NRG1: variants seen among roughly 807,000 people sequenced by gnomAD.
NRG1 encodes the protein neuregulin 1, also known as pro-neuregulin-1, membrane-bound isoform.
In NRG1, 18 loss-of-function variants were observed where a neutral mutation model predicts 63.8. The ratio of observed to expected loss-of-function variants is 0.28; its 90% confidence interval spans 0.19 to 0.42. NRG1 has a LOEUF of 0.42. NRG1 is among the 10% of genes least tolerant of loss of function. NRG1 has a pLI of 1.00. For missense variants in NRG1, 762 were observed against 814.7 expected (o/e 0.94, Z 0.79); for synonymous variants, 302 against 301.3 (o/e 1.00, Z -0.02).
chr8:31,893,156 A>G lies in NRG1; in HGVS notation c.37+253725A>G, dbSNP rs150782169. Among the ~76,000 whole-genome samples the G allele has an allele frequency of 3.7e-3, 560 of 150,256 alleles. 9 individuals are homozygous for G. Among genetic ancestry groups the G allele is most frequent in the Admixed American group, 0.025 (371 of 15,024 alleles). ...TTTAATATAACCTATTTTGATAAAT[A>G]ATAGTATAATAGACTATATTATATA... On this transcript the variant is annotated intron_variant, in intron 1 of 10. Transcript: ENST00000519301.
intron 7 of NRG1, chr8:32,748,987 G>C (rs78498275): frequency 0.13 from 24,851 of 193,764 alleles, 2,011 homozygotes; most frequent in East Asian, 0.37. Flanking sequence ...AAAATAATTA[G>C]ATAACCAATG....
rs190094624 is a variant in NRG1 at position 32,051,799 on chromosome 8, G to T, written c.37+412368G>T. ...GGAGGGCAGGGGGATTCAAATAAAA[G>T]ACCAGCACACATGAGCTGGTTTGTG... is the stretch of plus-strand genomic sequence containing the variant. On this transcript the variant is annotated intron_variant, in intron 1 of 10. Transcript: ENST00000519301. Among the ~76,000 whole-genome samples, 72 of 152,278 alleles carry T rather than the reference G, an allele frequency of 4.7e-4. 1 individual carries two copies. Among genetic ancestry groups the T allele is most frequent in the Non-Finnish European group, 8.8e-5 (6 of 68,018 alleles).
At chr8:32,116,726 T>A (rs192591247) in intron 1 of NRG1, among the ~76,000 whole-genome samples, 1 of 152,196 alleles carries the variant, frequency 6.6e-6, no homozygotes, top group East Asian at 1.9e-4. Context: ...CAATTTGTAT[T>A]AATATGATAG....
chr8:32,297,109 G>A (rs1007518351), intron 1 of NRG1, among the ~76,000 whole-genome samples: 2 of 151,910 alleles, frequency 1.3e-5, no homozygotes, highest in Admixed American at 6.6e-5. Context: ...ATGAGACGCT[G>A]TCTCAAAGAA....
At chr8:32,106,280 T>C (rs1831247216) in intron 1 of NRG1, among the ~76,000 whole-genome samples, 1 of 152,220 alleles carries the variant, frequency 6.6e-6, no homozygotes, top group Admixed American at 6.5e-5. Flanking sequence ...ATTTTCTTTT[T>C]ATAGCATCCA....
intron 1 of NRG1, among the ~76,000 whole-genome samples, chr8:32,415,614 T>C (rs757483063): frequency 3.2e-4 from 48 of 152,200 alleles, no homozygotes; most frequent in Admixed American, 4.6e-4. Flanking sequence ...TTTTTGAGCA[T>C]GAATGCATAA....
At chr8:31,663,788 G>GT (rs554281064) in intron 1 of NRG1, among the ~76,000 whole-genome samples, 4 of 152,010 alleles carry the variant, frequency 2.6e-5, no homozygotes, top group Non-Finnish European at 5.9e-5. Flanking sequence ...TCTGTGGTTA[G>GT]TTTTTTTCTC....
intron 1 of NRG1, among the ~76,000 whole-genome samples, chr8:32,190,173 G>GTATTATTAT (rs376743930): frequency 0.013 from 1,940 of 150,106 alleles, 20 homozygotes; most frequent in South Asian, 0.04. Flanking sequence ...TTATCAAAAT[G>GTATTATTAT]TATTATTATT....
At chr8:32,636,839 A>G (rs538249775) in intron 5 of NRG1, among the ~76,000 whole-genome samples, 1 of 152,186 alleles carries the variant, frequency 6.6e-6, no homozygotes, top group Non-Finnish European at 1.5e-5. Flanking sequence ...TATAATTTTG[A>G]AATTCATCTT....
chr8:32,415,086 T>C (rs1032040447), intron 1 of NRG1, among the ~76,000 whole-genome samples: 2 of 152,146 alleles, frequency 1.3e-5, no homozygotes, highest in Admixed American at 1.3e-4. Flanking sequence ...TTTTCTGTAG[T>C]GTATTTCTGT....
At chr8:32,165,141 T>C (rs1476672702) in intron 1 of NRG1, among the ~76,000 whole-genome samples, 1 of 140,798 alleles carries the variant, frequency 7.1e-6, no homozygotes, top group East Asian at 2.0e-4. Flanking sequence ...ATTGCCCTTA[T>C]TTTTTTTTTT....
chr8:31,982,063 A>C (rs190349165), intron 1 of NRG1, among the ~76,000 whole-genome samples: 117 of 152,016 alleles, frequency 7.7e-4, no homozygotes, highest in Non-Finnish European at 1.4e-3. Flanking sequence ...CTGTGGTCGC[A>C]GTCACAGCTC....
At chr8:32,055,846 C>T (rs962592364) in intron 1 of NRG1, among the ~76,000 whole-genome samples, 1 of 152,008 alleles carries the variant, frequency 6.6e-6, no homozygotes, top group Non-Finnish European at 1.5e-5. Context: ...GATACTGGGC[C>T]GTATTCCCTC....
At chr8:32,720,616 T>G (rs1014004030) in intron 5 of NRG1, among the ~76,000 whole-genome samples, 6 of 152,192 alleles carry the variant, frequency 3.9e-5, no homozygotes, top group African/African-American at 1.2e-4. Flanking sequence ...TTATTGGCTT[T>G]GTGAAGAAGA....
downstream of NRG1, among the ~76,000 whole-genome samples, chr8:32,772,073 A>G (rs1476506319): frequency 4.8e-5 from 6 of 125,284 alleles, no homozygotes; most frequent in African/African-American, 1.7e-4. Context: ...ATATATATAT[A>G]TATATATATA....
At chr8:32,146,989 A>G (rs1836936871) in intron 1 of NRG1, among the ~76,000 whole-genome samples, 2 of 152,208 alleles carry the variant, frequency 1.3e-5, no homozygotes, top group Admixed American at 6.5e-5. Context: ...AGAGAATTAA[A>G]TATCTAGAAA....
At chr8:32,608,097 T>TG (rs1563756547) in intron 3 of NRG1, among the ~76,000 whole-genome samples, 3 of 123,394 alleles carry the variant, frequency 2.4e-5, no homozygotes, top group Admixed American at 8.2e-5. Flanking sequence ...TTTTTGTTTT[T>TG]TTTTTTTTTG....
At chr8:31,694,304 G>T (rs538066032) in intron 1 of NRG1, among the ~76,000 whole-genome samples, 2 of 152,220 alleles carry the variant, frequency 1.3e-5, no homozygotes, top group African/African-American at 4.8e-5. Context: ...TCACCTTCTG[G>T]TTTTGTCACT....
intron 1 of NRG1, among the ~76,000 whole-genome samples, chr8:32,315,928 A>G (rs932216806): frequency 6.9e-6 from 1 of 144,416 alleles, no homozygotes; most frequent in Non-Finnish European, 1.5e-5. Flanking sequence ...GACTTCATGT[A>G]CCCTGTATTT....
Sources: allele counts gnomAD v4.1 joint callset (sites outside exome capture counted in the v4.1 genomes callset), GRCh38; gene constraint gnomAD v4.1.1; transcripts MANE v1.5; gene names NCBI Gene and HGNC (gene_info 2026-07-23, HGNC 2026-07-21).